The following ADAMTSL1 variants were observed in gnomAD, a reference collection of about 807,000 sequenced individuals.
The protein encoded by ADAMTSL1 is ADAMTS-like protein 1.
Under a neutral mutation model 201.8 loss-of-function variants are expected in ADAMTSL1, and 126 were observed. That is an observed-to-expected ratio of 0.62 (90% confidence interval 0.54 to 0.72). The LOEUF (loss-of-function observed/expected upper bound fraction) is 0.72. ADAMTSL1 is among the 30% of genes least tolerant of loss of function. The pLI is 0.00. For synonymous variants in ADAMTSL1, 1,121 were observed against 903.4 expected (o/e 1.24, Z -4.32); for missense variants, 2,679 against 2,277.8 (o/e 1.18, Z -3.59).
chr9:18,378,075 C>G (rs1837385550), intron 2 of ADAMTSL1, among the ~76,000 whole-genome samples: 1 of 152,168 alleles, frequency 6.6e-6, no homozygotes, highest in South Asian at 2.1e-4. Context: ...AAGGCATCTT[C>G]TTTCTTCCCT....
intron 23 of ADAMTSL1, among the ~76,000 whole-genome samples, chr9:18,874,780 T>C (rs1229175977): frequency 1.3e-5 from 2 of 152,190 alleles, no homozygotes; most frequent in Non-Finnish European, 2.9e-5. Context: ...ACTGGCTTCA[T>C]AGACTGATTT....
chr9:17,933,059 C>G (rs1479425575), intron 1 of ADAMTSL1, among the ~76,000 whole-genome samples: 1 of 152,134 alleles, frequency 6.6e-6, no homozygotes, highest in Admixed American at 6.6e-5. Context: ...GTATGTGTTT[C>G]TTTTCGGTGC....
chr9:17,929,324 C>G (rs1034816666), intron 1 of ADAMTSL1, among the ~76,000 whole-genome samples: 20 of 152,174 alleles, frequency 1.3e-4, no homozygotes, highest in South Asian at 4.2e-4. Context: ...TCCACTCCCC[C>G]ACCCCCATGA....
chr9:18,336,890 A>T (rs1835263364), intron 2 of ADAMTSL1, among the ~76,000 whole-genome samples: 1 of 152,196 alleles, frequency 6.6e-6, no homozygotes, highest in South Asian at 2.1e-4. Context: ...ATATTATAAT[A>T]AATATCATGA....
chr9:18,762,814 G>A (rs1387567142), intron 16 of ADAMTSL1, among the ~76,000 whole-genome samples: 1 of 152,136 alleles, frequency 6.6e-6, no homozygotes, highest in African/African-American at 2.4e-5. Flanking sequence ...CATCCATGTT[G>A]TTGCACATGA....
At chr9:18,905,970 C>T (rs1296705233) in intron 27 of ADAMTSL1, 79 bp downstream of exon 27, 4 of 1,258,346 alleles carry the variant, frequency 3.2e-6, no homozygotes, top group Non-Finnish European at 4.5e-6. Context: ...AATGTTTCTC[C>T]TCCAACTAAC....
At chr9:17,977,817 G>A (rs1364069023) in intron 1 of ADAMTSL1, among the ~76,000 whole-genome samples, 1 of 152,056 alleles carries the variant, frequency 6.6e-6, no homozygotes, top group Admixed American at 6.6e-5. Context: ...TTGAATAGAT[G>A]TTCTATATTA....
intron 2 of ADAMTSL1, among the ~76,000 whole-genome samples, chr9:18,290,105 G>C (rs1833191116): frequency 6.6e-6 from 1 of 152,066 alleles, no homozygotes; most frequent in African/African-American, 2.4e-5. Context: ...ATCATCAAGG[G>C]ATATAAGAAA....
At chr9:18,143,645 A>G (rs1245511013) in intron 1 of ADAMTSL1, among the ~76,000 whole-genome samples, 1 of 152,098 alleles carries the variant, frequency 6.6e-6, no homozygotes, top group Non-Finnish European at 1.5e-5. Flanking sequence ...CCTGCTCAAG[A>G]TGATGGTTGC....
At chr9:18,573,983 G>T (rs566217072) in intron 3 of ADAMTSL1, 47 bp from the exon 4 acceptor site, 4 of 1,500,650 alleles carry the variant, frequency 2.7e-6, no homozygotes, top group African/African-American at 2.8e-5. Flanking sequence ...TCATGTTTGG[G>T]GGTATCCTCC....
intron 6 of ADAMTSL1, 79 bp from the exon 7 acceptor site, chr9:18,639,175 A>T: frequency 1.4e-6 from 2 of 1,421,712 alleles, no homozygotes; most frequent in Admixed American, 3.6e-5. Context: ...CTAGCTCTAA[A>T]CATTGTTGCA....
At chr9:18,102,623 A>G (rs780100708) in intron 1 of ADAMTSL1, among the ~76,000 whole-genome samples, 1 of 152,224 alleles carries the variant, frequency 6.6e-6, no homozygotes, top group Non-Finnish European at 1.5e-5. Flanking sequence ...AAGAAAGAAC[A>G]GAGTCAACAA....
At chr9:17,912,838 T>C (rs1398417172) in intron 1 of ADAMTSL1, among the ~76,000 whole-genome samples, 3 of 149,084 alleles carry the variant, frequency 2.0e-5, no homozygotes, top group South Asian at 2.2e-4. Flanking sequence ...TTTAAGTCTT[T>C]AATCATCTTG....
intron 1 of ADAMTSL1, among the ~76,000 whole-genome samples, chr9:18,006,436 C>T (rs889561596): frequency 2.0e-5 from 3 of 151,970 alleles, no homozygotes; most frequent in African/African-American, 7.2e-5. Context: ...TCCAACATAC[C>T]AGTGAATTCT....
chr9:18,020,757 G>A (rs1820448620), intron 1 of ADAMTSL1, among the ~76,000 whole-genome samples: 1 of 152,068 alleles, frequency 6.6e-6, no homozygotes. Context: ...GACATAGAGG[G>A]AGTCTCTTGA....
At chr9:18,022,321 G>A (rs563509173) in intron 1 of ADAMTSL1, among the ~76,000 whole-genome samples, 1 of 152,270 alleles carries the variant, frequency 6.6e-6, no homozygotes, top group Middle Eastern at 3.4e-3. Flanking sequence ...TCTGGCCCCA[G>A]CAGGAGGCAA....
At chr9:18,746,992 G>A (rs909184096) in intron 15 of ADAMTSL1, among the ~76,000 whole-genome samples, 2 of 152,136 alleles carry the variant, frequency 1.3e-5, no homozygotes, top group African/African-American at 2.4e-5. Flanking sequence ...GTGGATTCAT[G>A]GCCCTGGGTG....
At chr9:18,620,291 C>T (rs1001330966) in intron 4 of ADAMTSL1, among the ~76,000 whole-genome samples, 1 of 152,020 alleles carries the variant, frequency 6.6e-6, no homozygotes, top group Non-Finnish European at 1.5e-5. Flanking sequence ...TCATTTTACA[C>T]TTATTGCGTG....
chr9:18,125,368 G>T (rs1825688985), intron 1 of ADAMTSL1, among the ~76,000 whole-genome samples: 1 of 152,168 alleles, frequency 6.6e-6, no homozygotes, highest in South Asian at 2.1e-4. Context: ...CCACGACCAT[G>T]TGGGAGTTGT....
Sources: allele counts gnomAD v4.1 joint callset (sites outside exome capture counted in the v4.1 genomes callset), GRCh38; gene constraint gnomAD v4.1.1; transcripts MANE v1.5; gene names NCBI Gene and HGNC (gene_info 2026-07-23, HGNC 2026-07-21).